GRID1: variants seen among roughly 807,000 people sequenced by gnomAD.
GRID1 encodes glutamate receptor ionotropic, delta-1.
Under a neutral mutation model 98.0 loss-of-function variants are expected in GRID1, and 28 were observed. That is an observed-to-expected ratio of 0.29 (90% CI 0.21 to 0.39). The LOEUF (loss-of-function observed/expected upper bound fraction) is 0.39. GRID1 is among the 10% of genes least tolerant of loss of function. GRID1 has a pLI of 1.00. For missense variants in GRID1, 1,111 were observed against 1,340.5 expected (o/e 0.83, Z 2.67); for synonymous variants, 553 against 538.5 (o/e 1.03, Z -0.37).
intron 4 of GRID1, among the ~76,000 whole-genome samples, chr10:85,987,465 C>T (rs1443742005): frequency 1.5e-5 from 1 of 68,660 alleles, no homozygotes; most frequent in Non-Finnish European, 2.9e-5. Flanking sequence ...TCTCCCCAAG[C>T]CTTACCTTCC....
At chr10:85,615,618 G>A (rs1842779439) in intron 14 of GRID1, among the ~76,000 whole-genome samples, 1 of 152,240 alleles carries the variant, frequency 6.6e-6, no homozygotes, top group Admixed American at 6.5e-5. Context: ...AGATACATGT[G>A]CATTTATATG....
In GRID1 at chr10:85,916,263, A is replaced by G; in HGVS notation, c.727-24T>C. 1 of 1,589,098 alleles carries G rather than the reference A, an allele frequency of 6.3e-7. No homozygotes were observed. The highest frequency in any genetic ancestry group is 8.6e-7 in the Non-Finnish European group (1 of 1,157,286). On this transcript the variant is annotated intron_variant, in intron 4 of 15. Coordinates refer to ENST00000327946, the MANE Select transcript of GRID1 (RefSeq NM_017551.3). This position sits in a 1 kb window ranked among gnomAD's most constrained non-coding sequence, Gnocchi z 4.0. ...GCCTGCAGAGAGAAAAAGAACGAAC[A>G]TGAACAGAAGCAAGACAGAAGCTGG... is the stretch of plus-strand genomic sequence containing the variant.
chr10:86,087,959 C>T (rs981964984), intron 4 of GRID1, among the ~76,000 whole-genome samples: 48 of 152,236 alleles, frequency 3.2e-4, no homozygotes, highest in Non-Finnish European at 6.2e-4. Context: ...GTCCTACAGT[C>T]AGTGCAGAAG....
chr10:85,747,917 A>G (rs1381760096), intron 8 of GRID1, among the ~76,000 whole-genome samples: 2 of 152,230 alleles, frequency 1.3e-5, no homozygotes, highest in African/African-American at 4.8e-5. Flanking sequence ...TTTAGTTTAT[A>G]CATGTAACTC....
chr10:86,053,752 G>A (rs1419295474), intron 4 of GRID1, among the ~76,000 whole-genome samples: 1 of 152,168 alleles, frequency 6.6e-6, no homozygotes, highest in Non-Finnish European at 1.5e-5. Flanking sequence ...GACAGGGAAA[G>A]GGGAAAGATG....
intron 2 of GRID1, among the ~76,000 whole-genome samples, chr10:86,316,400 A>G (rs577225823): frequency 1.2e-4 from 18 of 152,386 alleles, no homozygotes; most frequent in African/African-American, 4.1e-4. Flanking sequence ...AGTCTAAGCC[A>G]GTGTTCTCCA....
intron 12 of GRID1, among the ~76,000 whole-genome samples, chr10:85,676,656 G>T (rs1590185863): frequency 6.6e-6 from 1 of 152,184 alleles, no homozygotes; most frequent in Non-Finnish European, 1.5e-5. Flanking sequence ...GGGAAGCTGG[G>T]AAGCCATGGA....
At chr10:86,293,234 G>A (rs970321863) in intron 2 of GRID1, among the ~76,000 whole-genome samples, 2 of 152,200 alleles carry the variant, frequency 1.3e-5, no homozygotes, top group Non-Finnish European at 2.9e-5. Context: ...GGCCCATGCA[G>A]GGCTGCCATG....
At chr10:86,266,843 G>A (rs1251750935) in intron 2 of GRID1, among the ~76,000 whole-genome samples, 1 of 152,174 alleles carries the variant, frequency 6.6e-6, no homozygotes, top group Non-Finnish European at 1.5e-5. Flanking sequence ...TTCCTGCCGG[G>A]CTATAGGATT....
At chr10:85,669,503 A>G (rs1841061503) in intron 12 of GRID1, among the ~76,000 whole-genome samples, 1 of 152,192 alleles carries the variant, frequency 6.6e-6, no homozygotes, top group Admixed American at 6.5e-5. Context: ...CAGAGAGTGG[A>G]GTTCACACTT....
At chr10:86,346,808 C>G (rs1848389854) in intron 2 of GRID1, among the ~76,000 whole-genome samples, 1 of 152,196 alleles carries the variant, frequency 6.6e-6, no homozygotes, top group African/African-American at 2.4e-5. Flanking sequence ...GGAGGGAGCT[C>G]TCAGGGTTCC....
chr10:85,668,265 A>G (rs1460605524), intron 12 of GRID1, among the ~76,000 whole-genome samples: 3 of 152,204 alleles, frequency 2.0e-5, no homozygotes, highest in Admixed American at 1.3e-4. Context: ...CATAGACAAC[A>G]GTCAGATTCA....
At chr10:86,341,067 G>A (rs963166335) in intron 2 of GRID1, among the ~76,000 whole-genome samples, 5 of 152,156 alleles carry the variant, frequency 3.3e-5, no homozygotes, top group South Asian at 2.1e-4. Flanking sequence ...ACCCCCACTC[G>A]CCCTTCTGTC....
chr10:85,922,773 A>C (rs577910356), intron 4 of GRID1, among the ~76,000 whole-genome samples: 1 of 152,186 alleles, frequency 6.6e-6, no homozygotes, highest in African/African-American at 2.4e-5. Context: ...CCTGTTTAAA[A>C]GGAAATCAGC....
chr10:86,144,720 C>T (rs11201905), intron 3 of GRID1, among the ~76,000 whole-genome samples: 6,509 of 152,224 alleles, frequency 0.043, 149 homozygotes, highest in Non-Finnish European at 0.054. Context: ...TGCTCCCACC[C>T]GCTCCCCTTC....
intron 5 of GRID1, among the ~76,000 whole-genome samples, chr10:85,869,705 T>A (rs868089782): frequency 7.2e-5 from 11 of 152,314 alleles, no homozygotes; most frequent in Middle Eastern, 6.8e-3. Flanking sequence ...CCTATATCTC[T>A]GAAGTTTGTT....
intron 13 of GRID1, among the ~76,000 whole-genome samples, chr10:85,643,659 A>G (rs1843150567): frequency 1.3e-5 from 2 of 152,170 alleles, no homozygotes; most frequent in South Asian, 4.1e-4. Context: ...TGACAATACT[A>G]TAAACTCACT....
At chr10:85,824,898 A>C (rs1424792087) in intron 8 of GRID1, among the ~76,000 whole-genome samples, 1 of 152,248 alleles carries the variant, frequency 6.6e-6, no homozygotes, top group Non-Finnish European at 1.5e-5. Flanking sequence ...TTTATGGCTC[A>C]GTAGTATGCC....
At position 85,901,227 on chromosome 10, in the gene GRID1, T is replaced by TTTATTTATTTA. The variant is rs780383598; in HGVS notation, c.780+14958_780+14959insTAAATAAATAA. On this transcript the variant is annotated intron_variant, in intron 5 of 15. Coordinates refer to ENST00000327946, the MANE Select transcript of GRID1 (RefSeq NM_017551.3). ...TTATTTATTCATTTATTTTATTTTA[T>TTTATTTATTTA]TTTATTTATTTATTTATTTATTTAT... 5.7e-3 allele frequency among the ~76,000 whole-genome samples: 834 copies of TTTATTTATTTA among 146,328 alleles called. 10 individuals carry two copies. Among genetic ancestry groups the TTTATTTATTTA allele is most frequent in the African/African-American group, 0.021 (793 of 38,336 alleles).
Sources: allele counts gnomAD v4.1 joint callset (sites outside exome capture counted in the v4.1 genomes callset), GRCh38; gene constraint gnomAD v4.1.1; non-coding constraint Gnocchi (gnomAD v3.1); transcripts MANE v1.5; gene names NCBI Gene and HGNC (gene_info 2026-07-23, HGNC 2026-07-21).